Variants in SAMTOR observed in about 807,000 individuals in gnomAD.
The protein encoded by SAMTOR is S-adenosylmethionine sensor upstream of mTORC1.
the SAMTOR span, among the ~76,000 whole-genome samples, chr7:112,930,103 T>G: frequency 1.3e-5 from 2 of 152,278 alleles, no homozygotes; most frequent in Admixed American, 6.5e-5. Flanking sequence ...TATCTGTAGA[T>G]GACAAGACTA....
chr7:112,889,974 A>C, the SAMTOR span, among the ~76,000 whole-genome samples: 1 of 152,204 alleles, frequency 6.6e-6, no homozygotes, highest in Non-Finnish European at 1.5e-5. Context: ...ACAAGCATGG[A>C]AAGTCAGCAG....
At chr7:112,887,251 G>A in the SAMTOR span, among the ~76,000 whole-genome samples, 112 of 149,952 alleles carry the variant, frequency 7.5e-4, no homozygotes, top group Admixed American at 2.4e-3. Context: ...GTATCATCAG[G>A]CAACTAGATA....
At chr7:112,937,579 C>G in the SAMTOR span, among the ~76,000 whole-genome samples, 1 of 151,078 alleles carries the variant, frequency 6.6e-6, no homozygotes, top group African/African-American at 2.4e-5. Context: ...GCCTATATGT[C>G]AGAAATAAAG....
the SAMTOR span, among the ~76,000 whole-genome samples, chr7:112,936,700 C>A: frequency 6.6e-6 from 1 of 152,282 alleles, no homozygotes; most frequent in East Asian, 1.9e-4. Flanking sequence ...ACTATCTATC[C>A]TGTCCTTAAT....
At chr7:112,922,080 C>G in the SAMTOR span, among the ~76,000 whole-genome samples, 1 of 152,140 alleles carries the variant, frequency 6.6e-6, no homozygotes, top group Non-Finnish European at 1.5e-5. Flanking sequence ...ATCAGCCTGC[C>G]GAGTGCCTGC....
At chr7:112,939,607 G>T in the SAMTOR span, 1 of 1,613,984 alleles carries the variant, frequency 6.2e-7, no homozygotes, top group Non-Finnish European at 8.5e-7. Flanking sequence ...GGTACTTCTT[G>T]CGGAGCCGCC....
the SAMTOR span, among the ~76,000 whole-genome samples, chr7:112,822,793 AGAG>A: frequency 6.6e-6 from 1 of 152,166 alleles, no homozygotes; most frequent in Admixed American, 6.6e-5. Context: ...AATCAAATAA[AGAG>A]GATAATGAAA....
chr7:112,865,317 C>CG, the SAMTOR span, among the ~76,000 whole-genome samples: 5 of 151,962 alleles, frequency 3.3e-5, no homozygotes, highest in African/African-American at 1.2e-4. Context: ...CTCTCTCTGT[C>CG]ACCAGGCTGG....
At chr7:112,916,507 G>A in the SAMTOR span, among the ~76,000 whole-genome samples, 10,754 of 152,270 alleles carry the variant, frequency 0.071, 443 homozygotes, top group South Asian at 0.13. Flanking sequence ...AGCTCCCAGC[G>A]TGACTGAAGC....
the SAMTOR span, among the ~76,000 whole-genome samples, chr7:112,905,841 A>C: frequency 1.3e-5 from 2 of 152,128 alleles, no homozygotes; most frequent in Non-Finnish European, 2.9e-5. Context: ...AATACACCAC[A>C]TACATTACTG....
chr7:112,876,215 C>T, the SAMTOR span, among the ~76,000 whole-genome samples: 1 of 152,110 alleles, frequency 6.6e-6, no homozygotes, highest in Non-Finnish European at 1.5e-5. Flanking sequence ...CTGTCTCAAC[C>T]TTCCAAAGTG....
At chr7:112,928,689 T>G in the SAMTOR span, among the ~76,000 whole-genome samples, 5 of 151,926 alleles carry the variant, frequency 3.3e-5, no homozygotes, top group South Asian at 2.1e-4. Flanking sequence ...TAGCAGTCAC[T>G]CAAAAGCAGA....
chr7:112,888,497 T>C, the SAMTOR span, among the ~76,000 whole-genome samples: 1,110 of 152,178 alleles, frequency 7.3e-3, 13 homozygotes, highest in African/African-American at 0.025. Flanking sequence ...AAATGGGTAA[T>C]TGGGGTTTGG....
the SAMTOR span, among the ~76,000 whole-genome samples, chr7:112,926,892 ACT>A: frequency 2.6e-5 from 4 of 152,104 alleles, no homozygotes; most frequent in African/African-American, 7.2e-5. Flanking sequence ...AATGTTTCAA[ACT>A]CTGACTACTG....
At chr7:112,880,152 C>T in the SAMTOR span, among the ~76,000 whole-genome samples, 6 of 152,220 alleles carry the variant, frequency 3.9e-5, no homozygotes, top group African/African-American at 1.4e-4. Context: ...TTTATACAGT[C>T]ACATTATAGA....
chr7:112,839,281 G>A, the SAMTOR span, among the ~76,000 whole-genome samples: 1 of 151,812 alleles, frequency 6.6e-6, no homozygotes, highest in African/African-American at 2.4e-5. Context: ...AAATAAGAAA[G>A]GGGGAGAAAG....
the SAMTOR span, among the ~76,000 whole-genome samples, chr7:112,913,856 T>G: frequency 5.9e-5 from 9 of 152,208 alleles, no homozygotes. Context: ...CCTACCTTAC[T>G]TAAAATTGTT....
the SAMTOR span, among the ~76,000 whole-genome samples, chr7:112,856,109 C>T: frequency 6.6e-6 from 1 of 152,082 alleles, no homozygotes; most frequent in African/African-American, 2.4e-5. Flanking sequence ...GAGTATACAA[C>T]TAACTCAGAA....
At chr7:112,846,983 T>C in the SAMTOR span, among the ~76,000 whole-genome samples, 1 of 152,220 alleles carries the variant, frequency 6.6e-6, no homozygotes, top group African/African-American at 2.4e-5. Context: ...ATAGCTACCC[T>C]GGTTTCTCTT....
Sources: allele counts gnomAD v4.1 joint callset (sites outside exome capture counted in the v4.1 genomes callset), GRCh38; gene constraint gnomAD v4.1.1; transcripts MANE v1.5; gene names NCBI Gene and HGNC (gene_info 2026-07-23, HGNC 2026-07-21).